NAALADL2: variants seen among roughly 807,000 people sequenced by gnomAD.
NAALADL2 encodes the protein inactive N-acetylated-alpha-linked acidic dipeptidase-like protein 2.
Under a neutral mutation model 87.2 loss-of-function variants are expected in NAALADL2, and 76 were observed. The observed-to-expected ratio is 0.87, with a 90% CI of 0.72 to 1.05. The LOEUF (loss-of-function observed/expected upper bound fraction) is 1.05, where lower values mean the gene tolerates loss of function less well. Among genes scored for constraint, NAALADL2 ranks in the 50% least tolerant of loss-of-function variants. The probability of loss-of-function intolerance (pLI) is 0.00; values close to 1 mark genes in which losing one functional copy is unlikely to be tolerated. For missense variants in NAALADL2, 1,089 were observed against 945.8 expected (o/e 1.15, Z -1.99); for synonymous variants, 354 against 331.0 (o/e 1.07, Z -0.75).
intron 11 of NAALADL2, chr3:175,676,099 G>A (rs780509360): frequency 6.6e-6 from 1 of 152,132 alleles, no homozygotes; most frequent in Non-Finnish European, 1.5e-5. Flanking sequence ...CAGGGGCAAA[G>A]TAATGTGTTC....
At chr3:175,379,253 T>A (rs552322227) in intron 5 of NAALADL2, among the ~76,000 whole-genome samples, 1 of 151,892 alleles carries the variant, frequency 6.6e-6, no homozygotes, top group Non-Finnish European at 1.5e-5. Flanking sequence ...CTCATAGGCA[T>A]GTTGTGAAAA....
chr3:174,682,234 G>T (rs546820155), intron 2 of NAALADL2, among the ~76,000 whole-genome samples: 1 of 152,330 alleles, frequency 6.6e-6, no homozygotes, highest in South Asian at 2.1e-4. Flanking sequence ...AAGCTCAGCT[G>T]CAGTAGATAG....
chr3:175,695,758 T>A (rs1737706156), intron 11 of NAALADL2, among the ~76,000 whole-genome samples: 1 of 152,138 alleles, frequency 6.6e-6, no homozygotes, highest in Non-Finnish European at 1.5e-5. Flanking sequence ...TTTTGGAGAA[T>A]ATCCTCTGAG....
intron 3 of NAALADL2, among the ~76,000 whole-genome samples, chr3:174,817,488 G>T (rs765529611): frequency 2.0e-5 from 3 of 152,058 alleles, no homozygotes; most frequent in Non-Finnish European, 4.4e-5. Flanking sequence ...TACAGTCCTA[G>T]CTACTTAAAA....
At chr3:175,161,394 G>T (rs1223637006) in intron 2 of NAALADL2, among the ~76,000 whole-genome samples, 1 of 152,062 alleles carries the variant, frequency 6.6e-6, no homozygotes, top group Non-Finnish European at 1.5e-5. Flanking sequence ...ATGGCCACAC[G>T]AACTATTTTC....
intron 13 of NAALADL2, among the ~76,000 whole-genome samples, chr3:175,759,889 T>A (rs1747772983): frequency 6.6e-6 from 1 of 152,152 alleles, no homozygotes; most frequent in Admixed American, 6.6e-5. Context: ...TTAAATGCTC[T>A]GTTGAGAGGT....
At chr3:175,741,905 C>T (rs1745280664) in intron 12 of NAALADL2, among the ~76,000 whole-genome samples, 1 of 152,152 alleles carries the variant, frequency 6.6e-6, no homozygotes. Context: ...TGGACTCAGA[C>T]ATCAATTAAT....
intron 9 of NAALADL2, among the ~76,000 whole-genome samples, chr3:175,488,222 C>G (rs2149337243): frequency 6.6e-6 from 1 of 152,240 alleles, no homozygotes. Flanking sequence ...AGAAATTGAA[C>G]AAAGATTGTG....
intron 4 of NAALADL2, among the ~76,000 whole-genome samples, chr3:175,269,176 T>A (rs1372803681): frequency 6.6e-6 from 1 of 152,010 alleles, no homozygotes; most frequent in East Asian, 1.9e-4. Context: ...TAGCCTCAAG[T>A]GATCCATTCC....
intron 2 of NAALADL2, among the ~76,000 whole-genome samples, chr3:174,718,467 CAG>C (rs1295814040): frequency 2.0e-5 from 3 of 152,092 alleles, no homozygotes; most frequent in African/African-American, 7.2e-5. Context: ...TTTATTGACA[CAG>C]AAGCTGAGAG....
At position 175,366,176 on chromosome 3, in the gene NAALADL2, A is replaced by T. The variant is rs571518556; in HGVS notation, c.1090+41851A>T. 2.1e-5 allele frequency among the ~76,000 whole-genome samples: 3 copies of T among 145,094 alleles called. 1 individual carries two copies. Among genetic ancestry groups the T allele is most frequent in the South Asian group, 4.6e-4 (2 of 4,340 alleles). On this transcript the variant is annotated intron_variant, in intron 5 of 13. Transcript: ENST00000454872. ...TTCCAATTTCATCCATGTCCCTACA[A>T]AGCATATGAACTCATCATTATTTAT... is the stretch of plus-strand genomic sequence containing the variant.
At chr3:174,627,420 A>C (rs1721682593) in intron 2 of NAALADL2, among the ~76,000 whole-genome samples, 1 of 152,230 alleles carries the variant, frequency 6.6e-6, no homozygotes, top group Admixed American at 6.5e-5. Flanking sequence ...TATTATTGAA[A>C]AGTCAAAAAA....
intron 13 of NAALADL2, among the ~76,000 whole-genome samples, chr3:175,760,816 T>G (rs1243631999): frequency 6.6e-6 from 1 of 152,202 alleles, no homozygotes; most frequent in Non-Finnish European, 1.5e-5. Flanking sequence ...GCAACGAGTC[T>G]GCCCTGGTAA....
chr3:175,164,838 T>C (rs1733757429), intron 2 of NAALADL2, among the ~76,000 whole-genome samples: 1 of 152,190 alleles, frequency 6.6e-6, no homozygotes, highest in Non-Finnish European at 1.5e-5. Flanking sequence ...TCTGAGTCTC[T>C]GCACCAACTT....
At chr3:174,986,146 C>T (rs948157011) in intron 1 of NAALADL2, among the ~76,000 whole-genome samples, 1 of 151,302 alleles carries the variant, frequency 6.6e-6, no homozygotes. Flanking sequence ...ATCAAGATTG[C>T]ACCTCTCTGC....
Position 174,765,143 on chromosome 3 carries a change from C to CACACACGA in NAALADL2, c.-9+27397_-9+27398insACACACGA, listed in dbSNP as rs150906568. 3.2e-5 allele frequency among the ~76,000 whole-genome samples: 4 copies of CACACACGA among 124,634 alleles called. No individual in the cohort carries two copies. The South Asian group carries it at 7.2e-4, about 22-fold the overall frequency. The allele number at this position is 124,634 out of a possible 152,430, so 81.8% of individuals were successfully genotyped here. A position where few individuals can be genotyped will look rare whatever the true frequency, so the allele number is the denominator to read the frequency against. ...ACACATACACACACACACACACACACGAGAGAGAGAGAGAGAGAGAGAGAG... is the reference window on the plus strand; with the variant it reads ...ACACATACACACACACACACACACACACACACGAGAGAGAGAGAGAGAGAGAGAGAGAG... On this transcript the variant is annotated intron_variant, in intron 3 of 3. Transcript: ENST00000434257.
At chr3:175,657,579 GTTT>G (rs368302045) in intron 11 of NAALADL2, among the ~76,000 whole-genome samples, 1 of 141,114 alleles carries the variant, frequency 7.1e-6, no homozygotes. Context: ...TCATTTTACT[GTTT>G]TTTTTTTTTT....
chr3:175,475,454 T>C (rs1184543098), intron 9 of NAALADL2, among the ~76,000 whole-genome samples: 3 of 152,230 alleles, frequency 2.0e-5, no homozygotes, highest in Non-Finnish European at 4.4e-5. Flanking sequence ...TCACAGAATG[T>C]ATTGATTTTG....
chr3:175,248,613 T>C (rs1748446851), intron 3 of NAALADL2, among the ~76,000 whole-genome samples: 1 of 152,156 alleles, frequency 6.6e-6, no homozygotes, highest in South Asian at 2.1e-4. Context: ...ACATATTCAG[T>C]CATTTATTCA....
Sources: gnomAD v4.1 joint callset for allele counts (sites outside exome capture counted in the v4.1 genomes callset) on GRCh38, gnomAD v4.1.1 for gene constraint, MANE v1.5 for transcripts, NCBI Gene and HGNC (gene_info 2026-07-23, HGNC 2026-07-21) for gene names.